The following HMGXB3 variants were observed in gnomAD, a reference collection of about 807,000 sequenced individuals.
The protein encoded by HMGXB3 is HMG domain-containing protein 3.
Under a neutral mutation model 121.5 loss-of-function variants are expected in HMGXB3, and 45 were observed. That is an observed-to-expected ratio of 0.37 (90% CI 0.29 to 0.47). The LOEUF (loss-of-function observed/expected upper bound fraction) is 0.47. Among genes scored for constraint, HMGXB3 ranks in the 20% least tolerant of loss-of-function variants. The pLI is 0.99. For missense variants in HMGXB3, 1,376 were observed against 1,602.2 expected (o/e 0.86, Z 2.41); for synonymous variants, 590 against 624.1 (o/e 0.95, Z 0.81).
At chr5:150,027,553 A>G in intron 9 of HMGXB3, among the ~76,000 whole-genome samples, 1 of 143,710 alleles carries the variant, frequency 7.0e-6, no homozygotes, top group South Asian at 2.2e-4. Flanking sequence ...AAGAATAGGG[A>G]TTTTTTTTTT....
intron 16 of HMGXB3, chr5:150,047,347 A>T: frequency 2.7e-6 from 1 of 375,150 alleles, no homozygotes; most frequent in Non-Finnish European, 4.9e-6. Flanking sequence ...GTTCTGAAAA[A>T]CCTTAGAAGA....
chr5:150,036,005 TAA>T (rs1178796015), intron 11 of HMGXB3, among the ~76,000 whole-genome samples: 1 of 152,242 alleles, frequency 6.6e-6, no homozygotes, highest in African/African-American at 2.4e-5. Context: ...ATAATGGCTC[TAA>T]GAGATTACTA....
At position 150,036,943 on chromosome 5, in the gene HMGXB3, C is replaced by T. The variant is rs748629096; in HGVS notation, c.2285+6C>T. 8.4e-6 allele frequency: 13 copies of T among 1,545,572 alleles called. No individual in the cohort carries two copies. Among genetic ancestry groups the T allele is most frequent in the African/African-American group, 1.4e-5 (1 of 72,948 alleles). On this transcript the variant is annotated splice_donor_region_variant and intron_variant, in intron 12 of 19. Coordinates refer to ENST00000502717, the MANE Select transcript of HMGXB3 (RefSeq NM_014983.3). ...TTATTCAAAGGGGGACAAAAGTAAG[C>T]ACCCCTTAACTCTGCCCCTAGCTAC...
rs903791327 is a variant in HMGXB3, at chr5:150,053,022, A to G, written c.*830A>G. On this transcript the variant is annotated 3_prime_UTR_variant, in exon 20 of 20. Transcript: ENST00000502717. Reference sequence around the variant, plus strand: ...ACAGCAGGACTGGCTCAAGTGCCCAAGGTTTGTTTAGGGCCTGGGAATTGG... The same window carrying G: ...ACAGCAGGACTGGCTCAAGTGCCCAGGGTTTGTTTAGGGCCTGGGAATTGG... 3.0e-5 allele frequency: 5 copies of G among 165,958 alleles called. No individual in the cohort carries two copies. The highest frequency in any genetic ancestry group is 6.6e-5 in the Non-Finnish European group (5 of 75,900). The allele number at this position is 165,958 out of a possible 1,614,324, so 10.3% of individuals were successfully genotyped here. A position where few individuals can be genotyped will look rare whatever the true frequency, so the allele number is the denominator to read the frequency against.
intron 15 of HMGXB3, among the ~76,000 whole-genome samples, chr5:150,043,583 T>C (rs1323350904): frequency 6.6e-6 from 1 of 152,242 alleles, no homozygotes; most frequent in Non-Finnish European, 1.5e-5. Flanking sequence ...TAAACCATTT[T>C]GTTTGTGTTA....
In HMGXB3 at chr5:150,030,579, T is replaced by C. The variant is rs563583286; in HGVS notation, c.1735-162T>C. 4 of 600,784 alleles carry C rather than the reference T, an allele frequency of 6.7e-6. No individual in the cohort carries two copies. In the East Asian group the frequency reaches 8.5e-5, roughly 13 times the overall value. The allele number at this position is 600,784 out of a possible 1,614,324, so 37.2% of individuals were successfully genotyped here. A position where few individuals can be genotyped will look rare whatever the true frequency, so the allele number is the denominator to read the frequency against. ...CTGGACTTGAACATGACACTCAGCC[T>C]TTGGTGGGCTTGTGACTGCCAACTG... On this transcript the variant is annotated intron_variant, in intron 9 of 19. Transcript: ENST00000502717.
In HMGXB3 at chr5:150,027,030, C is replaced by T. The variant is rs776890671; in HGVS notation, c.1647C>T (p.Pro549=). 6.4e-7 allele frequency: 1 copy of T among 1,551,656 alleles called. No homozygotes were observed. Among genetic ancestry groups the T allele is most frequent in the East Asian group, 2.4e-5 (1 of 40,924 alleles). ...RQAFSLSDKT[P]SVRTCGLKPS... ...TCCTGGTTCTCTCAGATAAGACTCC[C>T]TCTGTGAGGACTTGTGGTCTGAAGC... Residue 549 remains proline, a synonymous_variant, in exon 9 of 20, where the codon CCC becomes CCT. Coordinates refer to ENST00000502717, the MANE Select transcript of HMGXB3 (RefSeq NM_014983.3).
intron 7 of HMGXB3, among the ~76,000 whole-genome samples, chr5:150,026,155 C>T (rs1756225926): frequency 6.6e-6 from 1 of 152,020 alleles, no homozygotes. Flanking sequence ...TAAAAAAAAT[C>T]ATGTAGCAAT....
intron 6 of HMGXB3, 117 bp downstream of exon 6, chr5:150,018,814 A>G (rs1756017057): frequency 1.1e-6 from 1 of 943,440 alleles, no homozygotes; most frequent in Admixed American, 3.2e-5. Context: ...TGACTATACA[A>G]GTAAATCATT....
At chr5:150,041,551 C>T (rs1041243789) in intron 14 of HMGXB3, among the ~76,000 whole-genome samples, 3 of 152,260 alleles carry the variant, frequency 2.0e-5, no homozygotes, top group Admixed American at 6.5e-5. Flanking sequence ...GCTTTCAGCA[C>T]AGCATCTAGT....
chr5:150,004,844 C>T lies in HMGXB3; in HGVS notation c.-2-7C>T, dbSNP rs1359787255. The T allele has an allele frequency of 3.9e-6, 6 of 1,529,676 alleles. No homozygotes were observed. Among genetic ancestry groups the T allele is most frequent in the East Asian group, 2.5e-5 (1 of 40,774 alleles). The allele number at this position is 1,529,676 out of a possible 1,614,324, so 94.8% of individuals were successfully genotyped here. A position where few individuals can be genotyped will look rare whatever the true frequency, so the allele number is the denominator to read the frequency against. ...GGAAACTTTATTTTGACTTTCCTTT[C>T]CTTTAGCCATGGACGCATCATATGA... On this transcript the variant is annotated splice_polypyrimidine_tract_variant and splice_region_variant and intron_variant, in intron 1 of 19. Coordinates refer to ENST00000502717, the MANE Select transcript of HMGXB3 (RefSeq NM_014983.3).
chr5:150,028,087 G>A (rs150016041), intron 9 of HMGXB3, among the ~76,000 whole-genome samples: 1 of 152,086 alleles, frequency 6.6e-6, no homozygotes, highest in Non-Finnish European at 1.5e-5. Context: ...ACATTCTAGG[G>A]GGACATCAGT....
chr5:150,046,000 G>A (rs528146464), intron 16 of HMGXB3, among the ~76,000 whole-genome samples: 42 of 152,322 alleles, frequency 2.8e-4, no homozygotes, highest in African/African-American at 9.6e-4. Context: ...TTTTCATTGA[G>A]CAAGTGTAGG....
chr5:150,028,501 A>ATATG (rs1756290481), intron 9 of HMGXB3, among the ~76,000 whole-genome samples: 1 of 96,842 alleles, frequency 1.0e-5, no homozygotes, highest in South Asian at 3.7e-4. Flanking sequence ...ATATATATGT[A>ATATG]TGTATGTGTG....
chr5:150,014,817 G>A, intron 5 of HMGXB3: 1 of 441,932 alleles, frequency 2.3e-6, no homozygotes, highest in Non-Finnish European at 4.0e-6. Context: ...GGGAGGTGGG[G>A]GAACATATTT....
Position 150,051,743 on chromosome 5 carries a change from C to A in HMGXB3, c.3430C>A (p.Leu1144Ile). Reference protein sequence around the residue: ...EPPVSVSCPELLDQHYTVDMT... With the variant: ...EPPVSVSCPEILDQHYTVDMT... ...CTTCTAGAGTGTGTCCTGCCCAGAGCTCTTGGACCAGCATTATACTGTGGA... is the reference window on the plus strand; with the variant it reads ...CTTCTAGAGTGTGTCCTGCCCAGAGATCTTGGACCAGCATTATACTGTGGA... Residue 1144 changes from leucine (L) to isoleucine (I), a missense_variant, in exon 20 of 20, where the codon CTC becomes ATC. By Grantham distance (5) the Leu-to-Ile change is conservative. Around this residue, in one of 2 missense-constraint regions of HMGXB3, gnomAD observed 260 missense variants for 233.2 expected, o/e 1.11. Transcript: ENST00000502717. 1 of 1,530,318 alleles carries A rather than the reference C, an allele frequency of 6.5e-7. No individual in the cohort carries two copies. Among genetic ancestry groups the A allele is most frequent in the Non-Finnish European group, 8.8e-7 (1 of 1,139,400 alleles). 94.8% of individuals were successfully genotyped at this position (1,530,318 alleles called of 1,614,324 possible).
In HMGXB3 at chr5:150,052,314, G is replaced by A; in HGVS notation, c.*122G>A. ...TGTGGGGAGGGCCTCTGACTGCTGGGACTGACCAAAGAGCTTCCATTCCCT... is the reference window on the plus strand; with the variant it reads ...TGTGGGGAGGGCCTCTGACTGCTGGAACTGACCAAAGAGCTTCCATTCCCT... On this transcript the variant is annotated 3_prime_UTR_variant, in exon 20 of 20. Transcript: ENST00000502717. The A allele has an allele frequency of 2.6e-6, 2 of 766,800 alleles. No individual in the cohort carries two copies. The highest frequency in any genetic ancestry group is 1.8e-5 in the African/African-American group (1 of 57,142). The allele number at this position is 766,800 out of a possible 1,614,324, so 47.5% of individuals were successfully genotyped here. A position where few individuals can be genotyped will look rare whatever the true frequency, so the allele number is the denominator to read the frequency against.
At chr5:150,034,309 G>T (rs1047764996) in intron 11 of HMGXB3, among the ~76,000 whole-genome samples, 1 of 152,136 alleles carries the variant, frequency 6.6e-6, no homozygotes, top group Non-Finnish European at 1.5e-5. Context: ...TCTAGGGCAG[G>T]TATGTCTGTT....
intron 11 of HMGXB3, among the ~76,000 whole-genome samples, chr5:150,036,139 C>T: frequency 6.6e-6 from 1 of 152,172 alleles, no homozygotes; most frequent in Non-Finnish European, 1.5e-5. Context: ...GGTCTGTTAT[C>T]CTCTAAACCC....
Sources: allele counts gnomAD v4.1 joint callset (sites outside exome capture counted in the v4.1 genomes callset), GRCh38; gene constraint gnomAD v4.1.1; regional missense constraint gnomAD v4.1.1; transcripts MANE v1.5; gene names NCBI Gene and HGNC (gene_info 2026-07-23, HGNC 2026-07-21).